TBC1D5: variants seen among roughly 807,000 people sequenced by gnomAD.
The protein encoded by TBC1D5 is TBC1 domain family member 5, also known as TBC1 domain family, member 5.
Under a neutral mutation model 100.3 loss-of-function variants are expected in TBC1D5, and 75 were observed. The observed-to-expected ratio is 0.75, with a 90% CI of 0.62 to 0.91. TBC1D5 has a LOEUF of 0.91. Among genes scored for constraint, TBC1D5 ranks in the 40% least tolerant of loss-of-function variants. The pLI, the probability that TBC1D5 is intolerant of heterozygous loss-of-function variation, is 0.00. For synonymous variants in TBC1D5, 323 were observed against 325.6 expected (o/e 0.99, Z 0.09); for missense variants, 910 against 942.4 (o/e 0.97, Z 0.45).
intron 13 of TBC1D5, among the ~76,000 whole-genome samples, chr3:17,325,692 T>C (rs748341328): frequency 6.6e-6 from 1 of 152,192 alleles, no homozygotes; most frequent in Non-Finnish European, 1.5e-5. Context: ...CATACATTTA[T>C]ATGATATTCT....
intron 13 of TBC1D5, among the ~76,000 whole-genome samples, chr3:17,361,142 G>A (rs570264871): frequency 6.6e-6 from 1 of 152,044 alleles, no homozygotes; most frequent in African/African-American, 2.4e-5. Context: ...AAGTCTCTAT[G>A]TAACTATTTA....
At chr3:17,435,808 A>C in intron 3 of TBC1D5, among the ~76,000 whole-genome samples, 1 of 152,230 alleles carries the variant, frequency 6.6e-6, no homozygotes, top group East Asian at 1.9e-4. Context: ...AAAAGCATCC[A>C]TGTGTATTGG....
chr3:17,158,911 T>G (rs1329353541), exon 22 of TBC1D5: 1 of 152,220 alleles, frequency 6.6e-6, no homozygotes, highest in Non-Finnish European at 1.5e-5. Context: ...TGGGAACAGC[T>G]CTACACCTCT....
chr3:17,571,593 T>A (rs2096627728), intron 2 of TBC1D5, among the ~76,000 whole-genome samples: 1 of 152,050 alleles, frequency 6.6e-6, no homozygotes, highest in Non-Finnish European at 1.5e-5. Flanking sequence ...CTATTTCAAC[T>A]AATATCTCAC....
At chr3:17,343,177 G>A (rs1427601519) in intron 13 of TBC1D5, among the ~76,000 whole-genome samples, 1 of 152,136 alleles carries the variant, frequency 6.6e-6, no homozygotes, top group African/African-American at 2.4e-5. Flanking sequence ...TTAGCATGAA[G>A]CGTTGTTGAA....
intron 4 of TBC1D5, among the ~76,000 whole-genome samples, chr3:17,425,134 T>C (rs891023580): frequency 6.6e-6 from 1 of 152,228 alleles, no homozygotes; most frequent in Non-Finnish European, 1.5e-5. Context: ...ACAATGATGA[T>C]GATGACACTG....
At chr3:17,673,354 G>C (rs1284425622) in intron 1 of TBC1D5, among the ~76,000 whole-genome samples, 2 of 141,390 alleles carry the variant, frequency 1.4e-5, no homozygotes, top group African/African-American at 5.2e-5. Context: ...CTGTCACTCA[G>C]GCTGGAGTAC....
Position 17,547,314 on chromosome 3 carries a change from A to G in TBC1D5, c.-35-38709T>C, listed in dbSNP as rs146509633. Among the ~76,000 whole-genome samples, 524 of 152,328 alleles carry G rather than the reference A, an allele frequency of 3.4e-3. 4 individuals carry two copies. Among genetic ancestry groups the G allele is most frequent in the African/African-American group, 0.012 (510 of 41,572 alleles). On this transcript the variant is annotated intron_variant, in intron 2 of 21. Transcript: ENST00000253692. The stretch of plus-strand genomic sequence containing the variant: ...TTTTAAAATGAATCTTCTCAGTCTC[A>G]GAAGGGTGATTACTTCTGTCTCGGT...
intron 1 of TBC1D5, among the ~76,000 whole-genome samples, chr3:17,704,961 G>A (rs2073835729): frequency 9.2e-6 from 1 of 109,040 alleles, no homozygotes; most frequent in South Asian, 3.6e-4. Context: ...GGGCAGAGGC[G>A]CCCCTCACCT....
intron 2 of TBC1D5, among the ~76,000 whole-genome samples, chr3:17,519,751 T>C (rs949680258): frequency 1.3e-5 from 2 of 152,172 alleles, no homozygotes; most frequent in African/African-American, 4.8e-5. Context: ...AGCACACAAA[T>C]TGAAATGATT....
chr3:17,374,844 T>C (rs2092637370), intron 10 of TBC1D5, among the ~76,000 whole-genome samples, 165 bp from the exon 11 acceptor site: 1 of 152,160 alleles, frequency 6.6e-6, no homozygotes, highest in Admixed American at 6.6e-5. Context: ...TATGCTTTCT[T>C]TCTATAAAGA....
At chr3:17,336,065 C>A (rs1255596497) in intron 13 of TBC1D5, among the ~76,000 whole-genome samples, 20 of 152,034 alleles carry the variant, frequency 1.3e-4, no homozygotes. Flanking sequence ...CAGTGTACGT[C>A]TAGTGACATA....
At chr3:17,233,274 G>A (rs562627785) in intron 17 of TBC1D5, among the ~76,000 whole-genome samples, 4 of 152,144 alleles carry the variant, frequency 2.6e-5, no homozygotes, top group Non-Finnish European at 5.9e-5. Context: ...CAGGCAAAAT[G>A]TAAGTATTTC....
At chr3:17,209,648 T>C (rs2072697658) in intron 18 of TBC1D5, among the ~76,000 whole-genome samples, 1 of 152,210 alleles carries the variant, frequency 6.6e-6, no homozygotes, top group Non-Finnish European at 1.5e-5. Flanking sequence ...CTATGTAAAT[T>C]CTAATCCCAG....
At chr3:17,358,128 C>T (rs1275431510) in intron 13 of TBC1D5, among the ~76,000 whole-genome samples, 2 of 152,114 alleles carry the variant, frequency 1.3e-5, no homozygotes, top group African/African-American at 4.8e-5. Context: ...TCTCCAGTGT[C>T]ACTGCCTTGG....
intron 1 of TBC1D5, among the ~76,000 whole-genome samples, chr3:17,645,122 A>G (rs1156902110): frequency 1.3e-5 from 2 of 152,152 alleles, no homozygotes; most frequent in Admixed American, 1.3e-4. Flanking sequence ...TAAATATAAT[A>G]TAGAATACTG....
intron 15 of TBC1D5, among the ~76,000 whole-genome samples, chr3:17,259,930 T>G (rs2078116211): frequency 6.6e-6 from 1 of 152,176 alleles, no homozygotes; most frequent in Non-Finnish European, 1.5e-5. Context: ...CTCCACTGGT[T>G]TGGTATTCAA....
intron 1 of TBC1D5, among the ~76,000 whole-genome samples, chr3:17,649,837 T>G (rs2065367450): frequency 6.6e-6 from 1 of 152,160 alleles, no homozygotes; most frequent in East Asian, 1.9e-4. Flanking sequence ...TAAAGACACA[T>G]GCACACGTAT....
intron 2 of TBC1D5, among the ~76,000 whole-genome samples, chr3:17,511,107 C>T (rs899250989): frequency 2.6e-5 from 4 of 151,978 alleles, no homozygotes; most frequent in Non-Finnish European, 5.9e-5. Flanking sequence ...TTTTTCAAGA[C>T]AAGCTAGAAA....
Sources: gnomAD v4.1 joint callset for allele counts (sites outside exome capture counted in the v4.1 genomes callset) on GRCh38, gnomAD v4.1.1 for gene constraint, MANE v1.5 for transcripts, NCBI Gene and HGNC (gene_info 2026-07-23, HGNC 2026-07-21) for gene names.